PRR13: variants seen among roughly 807,000 people sequenced by gnomAD.
The protein encoded by PRR13 is proline rich 13.
A neutral mutation model predicts 11.5 loss-of-function variants in PRR13; 7 were observed. The observed-to-expected ratio is 0.61, with a 90% CI of 0.34 to 1.14. The LOEUF (loss-of-function observed/expected upper bound fraction) is 1.14. Ranked by LOEUF, PRR13 falls within the 50% of genes most tolerant of loss-of-function variation. The pLI is 0.03. For missense variants in PRR13, 155 were observed against 194.4 expected (o/e 0.80, Z 1.21); for synonymous variants, 53 against 67.8 (o/e 0.78, Z 1.07).
chr12:53,441,940 C>G, intron 1 of PRR13, 148 bp downstream of exon 1: 1 of 640,358 alleles, frequency 1.6e-6, no homozygotes, highest in South Asian at 1.7e-5. Context: ...ATTTGAGGTT[C>G]TTGGGCAACT....
At chr12:53,444,484 C>T (rs993290320) in intron 3 of PRR13, among the ~76,000 whole-genome samples, 5 of 152,128 alleles carry the variant, frequency 3.3e-5, no homozygotes, top group Non-Finnish European at 5.9e-5. Flanking sequence ...CGCCCGCCAC[C>T]GCGCCCGGCT....
In PRR13 at chr12:53,443,746, G is replaced by C; in HGVS notation, c.375G>C (p.Lys125Asn). The C allele has an allele frequency of 6.2e-7, 1 of 1,609,378 alleles. No individual in the cohort carries two copies. The change falls in exon 3 of 4, where the codon AAG (lysine) becomes AAC (asparagine). Residue 125 changes from lysine (K) to asparagine (N), a missense_variant. Lys to Asn is a moderately conservative substitution (Grantham distance 94, BLOSUM62 0). Transcript: ENST00000429243. ...ATAAAAAGATGCACAAGCACCAAAAGCACCACAAGTACCACAAGCATGGCA... is the reference window on the plus strand; with the variant it reads ...ATAAAAAGATGCACAAGCACCAAAACCACCACAAGTACCACAAGCATGGCA... ...KAHKKMHKHQKHHKYHKHGKH... is the reference protein window; with the variant it reads ...KAHKKMHKHQNHHKYHKHGKH...
intron 2 of PRR13, 144 bp from the exon 3 acceptor site, chr12:53,443,247 G>A: frequency 1.1e-6 from 1 of 870,254 alleles, no homozygotes; most frequent in East Asian, 3.0e-5. Flanking sequence ...CCCAACTCAA[G>A]TTTGTCTCCC....
Position 53,443,478 on chromosome 12 carries a change from T to A in PRR13, c.107T>A (p.Phe36Tyr). ...PAHPPPINPP[F>Y]PPGPCPPPPG... Reference sequence around the variant, plus strand: ...CACCCACCACCTATTAATCCACCCTTTCCCCCAGGCCCCTGTCCTCCTCCC... The same window carrying A: ...CACCCACCACCTATTAATCCACCCTATCCCCCAGGCCCCTGTCCTCCTCCC... Residue 36 changes from phenylalanine to tyrosine, a missense_variant, in exon 3 of 4, where the codon TTT becomes TAT. By Grantham distance (22) the Phe-to-Tyr change is conservative. Coordinates refer to ENST00000429243, the MANE Select transcript of PRR13 (RefSeq NM_018457.4). 1 of 1,450,060 alleles carries A rather than the reference T, an allele frequency of 6.9e-7. No homozygotes were observed. The highest frequency in any genetic ancestry group is 2.5e-5 in the East Asian group (1 of 40,006). The allele number at this position is 1,450,060 out of a possible 1,614,324, so 89.8% of individuals were successfully genotyped here.
chr12:53,442,805 T>TC, intron 2 of PRR13, 72 bp downstream of exon 2: 1 of 1,508,312 alleles, frequency 6.6e-7, no homozygotes, highest in Non-Finnish European at 9.2e-7. Flanking sequence ...AGTTTCTGTA[T>TC]CAGCTCCCCT....
At chr12:53,442,761 C>A in intron 2 of PRR13, 28 bp downstream of exon 2, 2 of 1,597,958 alleles carry the variant, frequency 1.3e-6, no homozygotes, top group Non-Finnish European at 1.7e-6. Flanking sequence ...CTGTTCCACC[C>A]CTAACCCTTT....
intron 1 of PRR13, chr12:53,442,041 T>G: frequency 1.7e-6 from 1 of 572,060 alleles, no homozygotes; most frequent in Admixed American, 3.1e-5. Flanking sequence ...GATCCTTTCT[T>G]ACTCTGTGCG....
chr12:53,444,298 T>G (rs1259446521), intron 3 of PRR13, among the ~76,000 whole-genome samples: 1 of 151,928 alleles, frequency 6.6e-6, no homozygotes, highest in Non-Finnish European at 1.5e-5. Context: ...AGTCAGTGAC[T>G]AGGCTTCTAA....
At chr12:53,441,916 C>A in intron 1 of PRR13, 124 bp downstream of exon 1, 1 of 679,472 alleles carries the variant, frequency 1.5e-6, no homozygotes, top group Non-Finnish European at 2.7e-6. Flanking sequence ...GGGGCTGTGT[C>A]CACATATTTA....
At position 53,443,735 on chromosome 12, in the gene PRR13, A is replaced by C. The variant is rs367873130; in HGVS notation, c.364A>C (p.Lys122Gln). 1.2e-6 allele frequency: 2 copies of C among 1,610,498 alleles called. No individual in the cohort carries two copies. Among genetic ancestry groups the C allele is most frequent in the East Asian group, 2.2e-5 (1 of 44,840 alleles). ...GAAGAAAGCTCATAAAAAGATGCACAAGCACCAAAAGCACCACAAGTACCA... is the reference window on the plus strand; with the variant it reads ...GAAGAAAGCTCATAAAAAGATGCACCAGCACCAAAAGCACCACAAGTACCA... The part of the protein sequence containing the change: ...KMKKAHKKMH[K>Q]HQKHHKYHKH... Residue 122 changes from lysine (K) to glutamine (Q), a missense_variant, in exon 3 of 4, where the codon AAG (lysine) becomes CAG (glutamine). Physicochemically the swap from Lys to Gln is moderately conservative, Grantham distance 53. Transcript: ENST00000429243.
At chr12:53,444,831 G>C (rs1447794040) in intron 3 of PRR13, among the ~76,000 whole-genome samples, 1 of 152,082 alleles carries the variant, frequency 6.6e-6, no homozygotes, top group East Asian at 1.9e-4. Context: ...CCGGGAGGCA[G>C]AGATGGCAGT....
At position 53,445,986 on chromosome 12, in the gene PRR13, TCTTTCCC is replaced by T. The variant is rs3830568; in HGVS notation, c.403-11_403-5del. ...AGGTCATTTGGATCTGATGCTATCTTCTTTCCCCTTTCCCCTTTCCCCTTGCAGCATT... is the reference window on the plus strand; with the variant it reads ...AGGTCATTTGGATCTGATGCTATCTTCTTTCCCCTTTCCCCTTGCAGCATT... On this transcript the variant is annotated intron_variant, in intron 3 of 3. Transcript: ENST00000429243. 4.3e-3 allele frequency: 6,883 copies of T among 1,612,086 alleles called. 21 individuals carry two copies. Among genetic ancestry groups the T allele is most frequent in the Non-Finnish European group, 5.0e-3 (5,839 of 1,179,068 alleles).
At chr12:53,445,068 A>C (rs976997465) in intron 3 of PRR13, among the ~76,000 whole-genome samples, 1 of 152,098 alleles carries the variant, frequency 6.6e-6, no homozygotes, top group Non-Finnish European at 1.5e-5. Context: ...ATCTGAAGAG[A>C]AGGCTGTGCG....
At chr12:53,443,003 C>T (rs1235259249) in intron 2 of PRR13, 1 of 393,436 alleles carries the variant, frequency 2.5e-6, no homozygotes, top group Non-Finnish European at 4.5e-6. Flanking sequence ...ATTACAGACG[C>T]ATGCTATCAC....
intron 1 of PRR13, 56 bp from the exon 2 acceptor site, chr12:53,442,639 A>C: frequency 6.7e-7 from 1 of 1,492,366 alleles, no homozygotes; most frequent in Non-Finnish European, 9.3e-7. Context: ...TCCGGTGCTA[A>C]GTCCACTTCC....
chr12:53,444,822 C>G (rs536245797), intron 3 of PRR13, among the ~76,000 whole-genome samples: 1 of 151,724 alleles, frequency 6.6e-6, no homozygotes, highest in African/African-American at 2.4e-5. Context: ...TGCTTGAACC[C>G]GGGAGGCAGA....
chr12:53,443,848 G>A (rs897157266), intron 3 of PRR13, 75 bp downstream of exon 3: 1 of 1,487,344 alleles, frequency 6.7e-7, no homozygotes, highest in African/African-American at 1.4e-5. Flanking sequence ...GTTGGGTGAG[G>A]GGGATTCACA....
In PRR13 at chr12:53,443,573, T is replaced by C; in HGVS notation, c.202T>C (p.Tyr68His). 6.2e-7 allele frequency: 1 copy of C among 1,604,542 alleles called. No individual in the cohort carries two copies. The highest frequency in any genetic ancestry group is 1.1e-5 in the South Asian group (1 of 90,434). Residue 68 changes from tyrosine to histidine, a missense_variant, in exon 3 of 4, where the codon TAT becomes CAT. Physicochemically the swap from Tyr to His is moderately conservative, Grantham distance 83 (BLOSUM62 2). Coordinates refer to ENST00000429243, the MANE Select transcript of PRR13 (RefSeq NM_018457.4). ...GPPHPVPQPG[Y>H]PGCQPLGPYP... ...CCCTCATCCTGTGCCACAGCCAGGG[T>C]ATCCAGGATGCCAACCGTTGGGTCC...
chr12:53,444,160 AATT>A, intron 3 of PRR13: 1 of 312,856 alleles, frequency 3.2e-6, no homozygotes. Context: ...GTCTTATAAT[AATT>A]AACAGAATTA....
Sources: gnomAD v4.1 joint callset for allele counts (sites outside exome capture counted in the v4.1 genomes callset) on GRCh38, gnomAD v4.1.1 for gene constraint, MANE v1.5 for transcripts, NCBI Gene and HGNC (gene_info 2026-07-23, HGNC 2026-07-21) for gene names.